Variants in SOX5 observed in about 807,000 individuals in gnomAD.
SOX5 encodes SRY-box transcription factor 5.
In SOX5, 9 loss-of-function variants were observed where a neutral mutation model predicts 92.0. The observed-to-expected ratio is 0.10, with a 90% CI of 0.06 to 0.17. SOX5 has a LOEUF of 0.17. Among genes scored for constraint, SOX5 ranks in the 10% least tolerant of loss-of-function variants. SOX5 has a pLI of 1.00. For missense variants in SOX5, 642 were observed against 944.5 expected, an observed-to-expected ratio of 0.68 and a Z score of 4.20; for synonymous variants, 344 against 336.3, an observed-to-expected ratio of 1.02 and a Z score of -0.25.
chr12:23,732,798 A>C (rs2140878141), intron 6 of SOX5, among the ~76,000 whole-genome samples: 1 of 152,244 alleles, frequency 6.6e-6, no homozygotes, highest in South Asian at 2.1e-4. Context: ...TCCTAGCTCT[A>C]CCAGTTTCTA....
intron 1 of SOX5, among the ~76,000 whole-genome samples, chr12:24,557,286 G>T (rs1294287436): frequency 1.3e-5 from 2 of 151,662 alleles, no homozygotes; most frequent in Non-Finnish European, 2.9e-5. Flanking sequence ...TACTCCAGAG[G>T]CTGAGGCACA....
intron 8 of SOX5, among the ~76,000 whole-genome samples, chr12:23,607,027 C>T (rs1426128857): frequency 2.0e-5 from 3 of 152,132 alleles, no homozygotes; most frequent in Non-Finnish European, 4.4e-5. Context: ...GGATGGCTAA[C>T]ATTAGGTTGC....
chr12:24,051,249 G>GT lies in SOX5; in HGVS notation c.-1-155226dup, dbSNP rs565416718. Among the ~76,000 whole-genome samples, 617 of 152,012 alleles carry GT rather than the reference G, an allele frequency of 4.1e-3. 5 individuals are homozygous for GT. Among genetic ancestry groups the GT allele is most frequent in the African/African-American group, 0.014 (586 of 41,496 alleles). On this transcript the variant is annotated intron_variant, in intron 4 of 4. Coordinates refer to the SOX5 transcript ENST00000446891. ...CTAATAAAACTGACTAGAAAAGAAT[G>GT]TTTTTTTTCTTGTTGAAACAGTTCC...
chr12:24,023,849 T>C (rs757224474), intron 4 of SOX5, among the ~76,000 whole-genome samples: 4 of 152,088 alleles, frequency 2.6e-5, no homozygotes, highest in Non-Finnish European at 5.9e-5. Context: ...ACTGTGAATA[T>C]AGCAGTGAGT....
intron 3 of SOX5, among the ~76,000 whole-genome samples, chr12:23,762,182 C>T (rs745350433): frequency 5.9e-5 from 9 of 152,090 alleles, no homozygotes; most frequent in Middle Eastern, 3.2e-3. Flanking sequence ...CCTTAACAGT[C>T]CCCTTAGTCA....
In SOX5 at chr12:23,734,106, C is replaced by T. The variant is rs1009962509; in HGVS notation, c.810+578G>A. Among the ~76,000 whole-genome samples, 3 of 152,136 alleles carry T rather than the reference C, an allele frequency of 2.0e-5. No individual in the cohort carries two copies. In the South Asian group the frequency reaches 6.2e-4, roughly 31 times the overall value. The stretch of plus-strand genomic sequence containing the variant: ...CTGGAAACTTTTTTTCTTTTTGTTA[C>T]CAATACAGCTGCTTCCTCCTGTATT... On this transcript the variant is annotated intron_variant, in intron 6 of 14. Coordinates refer to ENST00000451604, the MANE Select transcript of SOX5 (RefSeq NM_006940.6).
At chr12:24,269,507 A>C (rs11047337) in intron 3 of SOX5, among the ~76,000 whole-genome samples, 145,728 of 152,156 alleles carry the variant, frequency 0.96, 70,105 homozygotes, top group East Asian at 1. Flanking sequence ...AGCATATAAT[A>C]TGGTGTTCAA....
intron 6 of SOX5, among the ~76,000 whole-genome samples, chr12:23,716,994 CT>C (rs2140470946): frequency 6.6e-6 from 1 of 152,280 alleles, no homozygotes; most frequent in East Asian, 1.9e-4. Flanking sequence ...CTTCCAAGTC[CT>C]ATGCCCTTTT....
chr12:23,785,162 T>C (rs2095356866), intron 3 of SOX5, among the ~76,000 whole-genome samples: 1 of 152,232 alleles, frequency 6.6e-6, no homozygotes, highest in Non-Finnish European at 1.5e-5. Context: ...ACAAGTGTTC[T>C]TGATGCAATT....
At chr12:24,368,597 A>G (rs563161552) in exon 2 of SOX5, 1 of 152,356 alleles carries the variant, frequency 6.6e-6, no homozygotes, top group East Asian at 1.9e-4. Flanking sequence ...GGGCAGGAAC[A>G]TATTTTTCAT....
At chr12:24,074,282 C>A (rs1569534012) in intron 4 of SOX5, among the ~76,000 whole-genome samples, 1 of 151,826 alleles carries the variant, frequency 6.6e-6, no homozygotes, top group Admixed American at 6.6e-5. Context: ...TTCTCTAGAC[C>A]ACAAATGACA....
intron 2 of SOX5, among the ~76,000 whole-genome samples, chr12:23,879,764 G>A (rs1233230016): frequency 6.6e-6 from 1 of 152,148 alleles, no homozygotes; most frequent in South Asian, 2.1e-4. Context: ...TAGTCTTTTT[G>A]TATTTCTAGA....
intron 11 of SOX5, among the ~76,000 whole-genome samples, chr12:23,556,076 T>G (rs1280350698): frequency 6.6e-6 from 1 of 152,190 alleles, no homozygotes; most frequent in Non-Finnish European, 1.5e-5. Flanking sequence ...CTGGCTGCTC[T>G]GTGCTGATAA....
chr12:24,454,029 A>G (rs905665900), intron 1 of SOX5, among the ~76,000 whole-genome samples: 5 of 152,198 alleles, frequency 3.3e-5, no homozygotes, highest in African/African-American at 1.2e-4. Flanking sequence ...ATTATCTGTG[A>G]CCCAATTTGC....
At chr12:24,530,046 T>C (rs1597653038) in intron 1 of SOX5, among the ~76,000 whole-genome samples, 1 of 141,288 alleles carries the variant, frequency 7.1e-6, no homozygotes, top group Non-Finnish European at 1.5e-5. Context: ...AAAAAAGCCG[T>C]ACAAGTAGGA....
chr12:23,858,167 T>A (rs1198700779), intron 2 of SOX5, among the ~76,000 whole-genome samples: 1 of 152,040 alleles, frequency 6.6e-6, no homozygotes, highest in African/African-American at 2.4e-5. Context: ...TACTTTCCTA[T>A]GAGAAGCGCT....
Position 23,907,140 on chromosome 12 carries a change from GGTGT to G in SOX5, c.39-11120_39-11117del, listed in dbSNP as rs762400852. ...AAACCTGTCAGGCCTAAGTTTGGGA[GGTGT>G]CTGTGTCTTGTTTATATATGCAACC... On this transcript the variant is annotated intron_variant, in intron 1 of 14. Transcript: ENST00000451604. Among the ~76,000 whole-genome samples, 9 of 152,138 alleles carry G rather than the reference GGTGT, an allele frequency of 5.9e-5. No homozygotes were observed. The East Asian group carries it at 1.2e-3, about 20-fold the overall frequency.
intron 2 of SOX5, 79 bp from the exon 3 acceptor site, chr12:23,846,272 G>A: frequency 8.8e-7 from 1 of 1,137,746 alleles, no homozygotes; most frequent in African/African-American, 1.5e-5. Flanking sequence ...TTACCTGAAA[G>A]AGAAAGCAAA....
chr12:23,784,354 T>G lies in SOX5; in HGVS notation c.482-28630A>C, dbSNP rs181336768. On this transcript the variant is annotated intron_variant, in intron 3 of 14. Transcript: ENST00000451604. ...TTATTTTTTTATTTTTGAGACAGAG[T>G]CTCACTCTGTCACCCAGGCTGGAGC... Among the ~76,000 whole-genome samples, 18 of 152,166 alleles carry G rather than the reference T, an allele frequency of 1.2e-4. No individual in the cohort carries two copies. The East Asian group carries it at 3.5e-3, about 29-fold the overall frequency.
Sources: allele counts gnomAD v4.1 joint callset (sites outside exome capture counted in the v4.1 genomes callset), GRCh38; gene constraint gnomAD v4.1.1; transcripts MANE v1.5; gene names NCBI Gene and HGNC (gene_info 2026-07-23, HGNC 2026-07-21).